Variants in PRDM16 observed in about 807,000 individuals in gnomAD.
PRDM16 encodes histone-lysine N-methyltransferase PRDM16.
In PRDM16, 23 loss-of-function variants were observed where a neutral mutation model predicts 110.6. The observed-to-expected ratio is 0.21, with a 90% CI of 0.15 to 0.29. PRDM16 has a LOEUF of 0.29. PRDM16 is among the 10% of genes least tolerant of loss of function. The pLI is 1.00. For synonymous variants in PRDM16, 799 were observed against 781.8 expected, an observed-to-expected ratio of 1.02 and a Z score of -0.37; for missense variants, 1,615 against 1,794.3, an observed-to-expected ratio of 0.90 and a Z score of 1.81.
chr1:3,075,751 G>C (rs2993484), intron 1 of PRDM16, among the ~76,000 whole-genome samples: 2,265 of 152,386 alleles, frequency 0.015, 54 homozygotes, highest in African/African-American at 0.051. Context: ...GCACCTCTCA[G>C]AGTGGAGGCC....
intron 2 of PRDM16, among the ~76,000 whole-genome samples, chr1:3,197,708 C>T (rs1299806957): frequency 6.6e-6 from 1 of 152,234 alleles, no homozygotes; most frequent in African/African-American, 2.4e-5. Flanking sequence ...GCGGCCCCTC[C>T]TGAGGGTGGG....
intron 2 of PRDM16, among the ~76,000 whole-genome samples, chr1:3,220,862 A>G (rs1639135837): frequency 6.6e-6 from 1 of 152,196 alleles, no homozygotes; most frequent in Admixed American, 6.5e-5. Context: ...TAAGCTGCCC[A>G]GGGAGGAAAG....
At chr1:3,151,969 G>A (rs1262750486) in intron 1 of PRDM16, among the ~76,000 whole-genome samples, 5 of 152,232 alleles carry the variant, frequency 3.3e-5, no homozygotes, top group Non-Finnish European at 5.9e-5. Flanking sequence ...GGGGTCTGGT[G>A]GGTGGGAGTC....
At chr1:3,146,148 GC>G (rs1162052032) in intron 1 of PRDM16, among the ~76,000 whole-genome samples, 1 of 152,196 alleles carries the variant, frequency 6.6e-6, no homozygotes, top group Non-Finnish European at 1.5e-5. Flanking sequence ...AGACTCTCCA[GC>G]CCCCGCACAT....
Position 3,431,094 on chromosome 1 carries a change from T to G in PRDM16, c.3507T>G (p.Phe1169Leu), listed in dbSNP as rs1638754169. The G allele has an allele frequency of 6.4e-7, 1 of 1,551,086 alleles. No homozygotes were observed. The highest frequency in any genetic ancestry group is 8.7e-7 in the Non-Finnish European group (1 of 1,147,830). The part of the protein sequence containing the change: ...EEPAASLAVG[F>L]DHTRRCAEDH... Reference sequence around the variant, plus strand: ...CAGCCGCCTCCCTGGCCGTGGGCTTTGACCACACCCGAAGGTGGGGGCAGC... The same window carrying G: ...CAGCCGCCTCCCTGGCCGTGGGCTTGGACCACACCCGAAGGTGGGGGCAGC... The change falls in exon 15 of 17, where the codon TTT (phenylalanine) becomes TTG (leucine). Residue 1169 changes from phenylalanine to leucine, a missense_variant. Physicochemically the swap from Phe to Leu is conservative, Grantham distance 22. Around this residue, in one of 5 missense-constraint regions of PRDM16, gnomAD observed 327 missense variants for 359.3 expected, o/e 0.91. Coordinates refer to ENST00000270722, the MANE Select transcript of PRDM16 (RefSeq NM_022114.4).
chr1:3,189,515 T>A (rs1638244976), intron 2 of PRDM16, among the ~76,000 whole-genome samples: 1 of 152,260 alleles, frequency 6.6e-6, no homozygotes, highest in Admixed American at 6.5e-5. Context: ...TCGTCTCTGA[T>A]GGTCCTGAAT....
chr1:3,233,071 G>A (rs900409387), intron 2 of PRDM16, among the ~76,000 whole-genome samples: 1 of 152,182 alleles, frequency 6.6e-6, no homozygotes, highest in Non-Finnish European at 1.5e-5. Flanking sequence ...GTATAGAACC[G>A]ATCATTGATC....
intron 1 of PRDM16, among the ~76,000 whole-genome samples, chr1:3,071,765 G>T (rs540561966): frequency 6.6e-6 from 1 of 152,282 alleles, no homozygotes; most frequent in African/African-American, 2.4e-5. Context: ...CAAGGTCATG[G>T]TTACCAGGTT....
In PRDM16 at chr1:3,113,020, G is replaced by T. The variant is rs536048867; in HGVS notation, c.37+43724G>T. Among the ~76,000 whole-genome samples, 295 of 152,368 alleles carry T rather than the reference G, an allele frequency of 1.9e-3. 2 individuals are homozygous for T. The highest frequency in any genetic ancestry group is 6.8e-3 in the African/African-American group (281 of 41,592). On this transcript the variant is annotated intron_variant, in intron 1 of 16. Coordinates refer to ENST00000270722, the MANE Select transcript of PRDM16 (RefSeq NM_022114.4). ...GCAAGTCTTCCCAGACTGGTGCAGG[G>T]CCTGCCATGGGGCACCCAGAGCCCC...
At chr1:3,110,288 C>T (rs1354638393) in intron 1 of PRDM16, among the ~76,000 whole-genome samples, 5 of 142,036 alleles carry the variant, frequency 3.5e-5, no homozygotes, top group Non-Finnish European at 7.6e-5. Flanking sequence ...TGTGGGGACA[C>T]AGTGTCTGCG....
intron 3 of PRDM16, among the ~76,000 whole-genome samples, chr1:3,344,282 C>T (rs1232953415): frequency 6.6e-6 from 1 of 152,132 alleles, no homozygotes; most frequent in African/African-American, 2.4e-5. Flanking sequence ...TCACTGCCCT[C>T]CAGCCTGGAT....
intron 1 of PRDM16, among the ~76,000 whole-genome samples, chr1:3,073,621 C>G (rs556598392): frequency 1.3e-5 from 2 of 152,170 alleles, no homozygotes; most frequent in South Asian, 4.1e-4. Flanking sequence ...GGCTCAGAAT[C>G]GAGCCACCGA....
chr1:3,345,780 C>G (rs868395134), intron 3 of PRDM16, among the ~76,000 whole-genome samples: 1 of 74,384 alleles, frequency 1.3e-5, no homozygotes, highest in Non-Finnish European at 3.0e-5. Flanking sequence ...CGTGCTGCCC[C>G]CTCTGTGGTC....
intron 3 of PRDM16, among the ~76,000 whole-genome samples, chr1:3,322,180 T>C (rs565520178): frequency 6.6e-6 from 1 of 150,454 alleles, no homozygotes; most frequent in African/African-American, 2.5e-5. Flanking sequence ...CTGTGCACAC[T>C]GTGTGTGTGA....
chr1:3,351,670 T>C (rs200159877), intron 3 of PRDM16, among the ~76,000 whole-genome samples: 6 of 16,646 alleles, frequency 3.6e-4, no homozygotes, highest in South Asian at 4.3e-3. Flanking sequence ...TCCCTCTTTC[T>C]CCCCTCCCTC....
intron 1 of PRDM16, among the ~76,000 whole-genome samples, chr1:3,107,732 A>G (rs1258245275): frequency 6.6e-6 from 1 of 152,192 alleles, no homozygotes; most frequent in African/African-American, 2.4e-5. Flanking sequence ...TAAGAGACAC[A>G]CACTATCCCT....
rs1251047663 is a variant in PRDM16 at position 3,353,500 on chromosome 1, G to A, written c.439-31652G>A. Among the ~76,000 whole-genome samples, 1 of 152,182 alleles carries A rather than the reference G, an allele frequency of 6.6e-6. No homozygotes were observed. Among genetic ancestry groups the A allele is most frequent in the Admixed American group, 6.5e-5 (1 of 15,278 alleles). On this transcript the variant is annotated intron_variant, in intron 3 of 16. Transcript: ENST00000270722. The surrounding 1 kb of genome is among the most constrained non-coding windows in gnomAD (Gnocchi z 5.4). The stretch of plus-strand genomic sequence containing the variant: ...GGCCCTGGCTTCTGGCAGGCACCTG[G>A]GCCATGGGAGCCCAAGGGTGGCTCC...
At chr1:3,211,090 T>C (rs1285014260) in intron 2 of PRDM16, among the ~76,000 whole-genome samples, 2 of 152,230 alleles carry the variant, frequency 1.3e-5, no homozygotes, top group African/African-American at 4.8e-5. Flanking sequence ...TGCTGATCAA[T>C]TCACCCACTA....
chr1:3,417,807 C>T (rs368850210), intron 10 of PRDM16, 21 bp from the exon 11 acceptor site: 165 of 1,612,030 alleles, frequency 1.0e-4, no homozygotes, highest in Non-Finnish European at 1.2e-4. Flanking sequence ...AGTCCATAAC[C>T]TCCCACTCTT....
Sources: allele counts gnomAD v4.1 joint callset (sites outside exome capture counted in the v4.1 genomes callset), GRCh38; gene constraint gnomAD v4.1.1; regional missense constraint gnomAD v4.1.1; non-coding constraint Gnocchi (gnomAD v3.1); transcripts MANE v1.5; gene names NCBI Gene and HGNC (gene_info 2026-07-23, HGNC 2026-07-21).